Variants in AFAP1L2 observed in about 807,000 individuals in gnomAD.
The protein encoded by AFAP1L2 is actin filament associated protein 1 like 2, also known as actin filament-associated protein 1-like 2.
A neutral mutation model predicts 99.3 loss-of-function variants in AFAP1L2; 46 were observed. That is an observed-to-expected ratio of 0.46 (90% CI 0.37 to 0.59). AFAP1L2 has a LOEUF of 0.59. Ranked by LOEUF, AFAP1L2 falls within the 20% of genes least tolerant of loss-of-function variation. The pLI is 0.00. For missense variants in AFAP1L2, 959 were observed against 1,034.9 expected (o/e 0.93, Z 1.01); for synonymous variants, 397 against 419.1 (o/e 0.95, Z 0.64).
At chr10:114,360,389 A>T (rs1000039107) in intron 1 of AFAP1L2, among the ~76,000 whole-genome samples, 1 of 152,116 alleles carries the variant, frequency 6.6e-6, no homozygotes, top group African/African-American at 2.4e-5. Flanking sequence ...CTTGCCAGCC[A>T]CAGATCCTAG....
intron 7 of AFAP1L2, 75 bp from the exon 8 acceptor site, chr10:114,310,518 C>T (rs973256644): frequency 6.5e-6 from 9 of 1,375,258 alleles, no homozygotes; most frequent in East Asian, 2.3e-5. Context: ...GAAGCCAGGG[C>T]CCCTGCAGGT....
At chr10:114,289,992 CA>C (rs35165936), downstream of AFAP1L2, 105,631 of 212,148 alleles carry the variant, frequency 0.5, 22,353 homozygotes, top group East Asian at 0.56. Context: ...GATTCTGCCT[CA>C]AAAAAAAAAA....
At chr10:114,331,923 T>G in intron 3 of AFAP1L2, 26 bp from the exon 4 acceptor site, 1 of 1,280,690 alleles carries the variant, frequency 7.8e-7, no homozygotes, top group Non-Finnish European at 1.0e-6. Context: ...GGAAAAGGCT[T>G]CGGTGAGGGG....
At chr10:114,402,083 C>G (rs951118778) in intron 1 of AFAP1L2, among the ~76,000 whole-genome samples, 3 of 152,190 alleles carry the variant, frequency 2.0e-5, no homozygotes, top group Admixed American at 6.5e-5. Flanking sequence ...ACAGTTTTTA[C>G]TTAGGCTCCA....
At chr10:114,350,781 G>GAGAGAACCCACGGTGAAA (rs2050350481) in intron 1 of AFAP1L2, among the ~76,000 whole-genome samples, 1 of 152,182 alleles carries the variant, frequency 6.6e-6, no homozygotes, top group South Asian at 2.1e-4. Context: ...ATCAGAATCA[G>GAGAGAACCCACGGTGAAA]AGAGAACCCA....
intron 18 of AFAP1L2, 67 bp from the exon 19 acceptor site, chr10:114,296,135 A>G: frequency 1.2e-5 from 19 of 1,603,242 alleles, no homozygotes; most frequent in Non-Finnish European, 1.6e-5. Context: ...CCACTGTAGC[A>G]ACCTTGATAT....
intron 2 of AFAP1L2, among the ~76,000 whole-genome samples, chr10:114,340,151 G>A (rs1448581185): frequency 1.4e-5 from 2 of 145,002 alleles, no homozygotes; most frequent in African/African-American, 5.1e-5. Context: ...GGGCAACATG[G>A]TGAAATCCCA....
intron 1 of AFAP1L2, among the ~76,000 whole-genome samples, chr10:114,390,765 G>A (rs1368801107): frequency 6.6e-6 from 1 of 150,384 alleles, no homozygotes; most frequent in Non-Finnish European, 1.5e-5. Context: ...CAGACTGGCT[G>A]TACTAGCCTA....
chr10:114,300,541 G>T lies in AFAP1L2; in HGVS notation c.1692C>A (p.Cys564Ter). The change falls in exon 14 of 19, where the codon TGC becomes TGA. Residue 564 changes from cysteine (C) to a stop codon, truncating the protein, a stop_gained. Coordinates refer to ENST00000304129, the MANE Select transcript of AFAP1L2 (RefSeq NM_001001936.3). LOFTEE classifies it high-confidence loss of function. ...QAQASSPTLS[C>*]LDNATEALPA... Reference sequence around the variant, plus strand: ...GGAGGGCCTCAGTTGCATTGTCCAGGCAGGACAACGTCGGGGAGGAGGCCT... The same window carrying T: ...GGAGGGCCTCAGTTGCATTGTCCAGTCAGGACAACGTCGGGGAGGAGGCCT... 1.2e-6 allele frequency: 2 copies of T among 1,614,170 alleles called. No individual in the cohort carries two copies. Among genetic ancestry groups the T allele is most frequent in the Admixed American group, 1.7e-5 (1 of 60,036 alleles).
At chr10:114,296,935 A>T (rs764759080) in intron 18 of AFAP1L2, 43 bp downstream of exon 18, 1 of 1,613,652 alleles carries the variant, frequency 6.2e-7, no homozygotes, top group Admixed American at 1.7e-5. Flanking sequence ...TACCTTAGTG[A>T]CATTTCTGCT....
At chr10:114,284,739 G>GT in the AFAP1L2 span, 1 of 849,396 alleles carries the variant, frequency 1.2e-6, no homozygotes. Context: ...CTGGTGGACT[G>GT]TGGGGGAAGG....
intron 1 of AFAP1L2, among the ~76,000 whole-genome samples, chr10:114,367,123 A>G (rs1337621736): frequency 6.6e-6 from 1 of 152,196 alleles, no homozygotes; most frequent in African/African-American, 2.4e-5. Flanking sequence ...TGGGAGGTGA[A>G]GGCTAACACA....
chr10:114,291,213 C>T, downstream of AFAP1L2: 1 of 1,550,566 alleles, frequency 6.4e-7, no homozygotes, highest in South Asian at 1.2e-5. Flanking sequence ...CACTTCCTTC[C>T]CCAGGATTCT....
intron 1 of AFAP1L2, among the ~76,000 whole-genome samples, chr10:114,394,496 T>A (rs887342523): frequency 6.6e-6 from 1 of 152,130 alleles, no homozygotes; most frequent in Non-Finnish European, 1.5e-5. Context: ...GGCCTCAGGT[T>A]CTCAGTGGGA....
At chr10:114,291,359 C>T (rs1308624756), downstream of AFAP1L2, 13 of 1,213,470 alleles carry the variant, frequency 1.1e-5, no homozygotes, top group East Asian at 2.9e-4. Flanking sequence ...CTTAGAATGT[C>T]TGCTTCCCGC....
At chr10:114,326,023 G>GCCT (rs1564876287) in intron 4 of AFAP1L2, 1 of 1,189,090 alleles carries the variant, frequency 8.4e-7, no homozygotes, top group African/African-American at 1.6e-5. Flanking sequence ...CCGAGATCTG[G>GCCT]CCCAAGGTCA....
intron 5 of AFAP1L2, chr10:114,319,549 G>C (rs775761048): frequency 7.8e-7 from 1 of 1,289,006 alleles, no homozygotes. Flanking sequence ...CCAGCTCGGG[G>C]AGTAAGCAGT....
intron 5 of AFAP1L2, 117 bp downstream of exon 5, chr10:114,323,054 C>T: frequency 1.1e-6 from 1 of 908,392 alleles, no homozygotes; most frequent in Admixed American, 2.5e-5. Flanking sequence ...GCAGCCCAGA[C>T]TACCCTCTGT....
chr10:114,351,396 A>G (rs926404462), intron 1 of AFAP1L2, among the ~76,000 whole-genome samples: 1 of 152,188 alleles, frequency 6.6e-6, no homozygotes, highest in African/African-American at 2.4e-5. Flanking sequence ...GAAGGGGGAA[A>G]ATCACCGTAT....
Sources: allele counts gnomAD v4.1 joint callset (sites outside exome capture counted in the v4.1 genomes callset), GRCh38; gene constraint gnomAD v4.1.1; transcripts MANE v1.5; gene names NCBI Gene and HGNC (gene_info 2026-07-23, HGNC 2026-07-21).